Variants in SCIN observed in about 807,000 individuals in gnomAD.
SCIN encodes the protein scinderin, also known as adseverin.
In SCIN, 91 loss-of-function variants were observed where a neutral mutation model predicts 91.8. That is an observed-to-expected ratio of 0.99 (90% CI 0.84 to 1.18). The LOEUF is 1.18. Among genes scored for constraint, SCIN ranks in the 50% most tolerant of loss-of-function variants. SCIN has a pLI of 0.00. For synonymous variants in SCIN, 367 were observed against 312.6 expected (o/e 1.17, Z -1.84); for missense variants, 1,087 against 863.9 (o/e 1.26, Z -3.24).
At chr7:12,600,174 A>G (rs1782929403) in intron 3 of SCIN, among the ~76,000 whole-genome samples, 1 of 152,256 alleles carries the variant, frequency 6.6e-6, no homozygotes, top group African/African-American at 2.4e-5. Flanking sequence ...TCAGCCATAA[A>G]GAGGAACGAA....
intron 2 of SCIN, among the ~76,000 whole-genome samples, chr7:12,579,267 C>T (rs999285711): frequency 6.6e-6 from 1 of 152,142 alleles, no homozygotes; most frequent in Admixed American, 6.5e-5. Flanking sequence ...AACACTTATA[C>T]ATTATAGGTT....
chr7:12,604,762 G>A (rs1783038139), intron 4 of SCIN, 99 bp downstream of exon 4: 6 of 1,024,764 alleles, frequency 5.9e-6, no homozygotes, highest in Admixed American at 5.4e-5. Flanking sequence ...TGGGGAAGAA[G>A]GGGAAAGAGA....
chr7:12,649,571 G>C (rs1342416786), intron 14 of SCIN, 27 bp downstream of exon 14: 5 of 1,512,940 alleles, frequency 3.3e-6, no homozygotes, highest in Non-Finnish European at 4.5e-6. Flanking sequence ...TTCATAAGAA[G>C]AGAATGCATT....
At chr7:12,628,730 G>A (rs549678471) in intron 8 of SCIN, among the ~76,000 whole-genome samples, 59 of 152,048 alleles carry the variant, frequency 3.9e-4, no homozygotes, top group African/African-American at 1.3e-3. Context: ...ATATATATAT[G>A]TTATTTCATA....
At chr7:12,640,237 T>C (rs1347774717) in intron 10 of SCIN, 110 bp from the exon 11 acceptor site, 13 of 944,634 alleles carry the variant, frequency 1.4e-5, no homozygotes, top group Non-Finnish European at 2.9e-6. Context: ...CTTGACTTTT[T>C]ATTTTTTGTT....
chr7:12,581,197 C>G lies in SCIN; in HGVS notation c.492C>G (p.Asp164Glu). Reference protein sequence around the residue: ...PLSWDSFNKGDCFIIDLGTEI... With the variant: ...PLSWDSFNKGECFIIDLGTEI... ...GCTGGGACAGTTTCAACAAGGGTGA[C>G]TGCTTCATCATTGACCTTGGCACCG... The change falls in exon 3 of 16, where the codon GAC (aspartate) becomes GAG (glutamate). Residue 164 changes from aspartate to glutamate, a missense_variant. Transcript: ENST00000297029. 3.9e-6 allele frequency: 6 copies of G among 1,551,454 alleles called. No individual in the cohort carries two copies. The highest frequency in any genetic ancestry group is 5.2e-6 in the Non-Finnish European group (6 of 1,146,768).
chr7:12,607,070 G>A (rs117524267), intron 4 of SCIN, among the ~76,000 whole-genome samples: 1,657 of 152,262 alleles, frequency 0.011, 18 homozygotes, highest in Middle Eastern at 0.017. Flanking sequence ...GCAGATTCAG[G>A]AACAGGACTT....
At chr7:12,608,459 A>G (rs1783125835) in intron 4 of SCIN, among the ~76,000 whole-genome samples, 3 of 152,074 alleles carry the variant, frequency 2.0e-5, no homozygotes, top group Admixed American at 2.0e-4. Flanking sequence ...TTTCAAATAT[A>G]TTTTAAATTG....
Position 12,652,635 on chromosome 7 carries a change from C to A in SCIN, c.2068C>A (p.Pro690Thr), listed in dbSNP as rs1784105654. The A allele has an allele frequency of 3.1e-6, 5 of 1,612,150 alleles. No individual in the cohort carries two copies. Among genetic ancestry groups the A allele is most frequent in the Non-Finnish European group, 4.2e-6 (5 of 1,179,366 alleles). The change falls in exon 16 of 16, where the codon CCA (proline) becomes ACA (threonine). Residue 690 changes from proline (P) to threonine (T), a missense_variant. Physicochemically the swap from Pro to Thr is conservative, Grantham distance 38 (BLOSUM62 -1). Transcript: ENST00000297029. ...TDPSGRDKRT[P>T]IVIIKQGHEP... ...CCCTTCTGGAAGAGACAAGAGGACACCAATTGTCATCATAAAACAGGGCCA... is the reference window on the plus strand; with the variant it reads ...CCCTTCTGGAAGAGACAAGAGGACAACAATTGTCATCATAAAACAGGGCCA...
At chr7:12,598,880 C>T (rs1782897990) in intron 3 of SCIN, among the ~76,000 whole-genome samples, 1 of 151,836 alleles carries the variant, frequency 6.6e-6, no homozygotes. Context: ...TGCACTCCAG[C>T]CTAGGTGACA....
intron 3 of SCIN, among the ~76,000 whole-genome samples, chr7:12,583,822 C>T (rs1782535716): frequency 6.6e-6 from 1 of 151,984 alleles, no homozygotes; most frequent in Non-Finnish European, 1.5e-5. Flanking sequence ...TATAAGGTTC[C>T]AGGGCATTCA....
At position 12,651,163 on chromosome 7, in the gene SCIN, A is replaced by G. The variant is rs1562638659; in HGVS notation, c.1960-678A>G. Among the ~76,000 whole-genome samples, 1 of 152,232 alleles carries G rather than the reference A, an allele frequency of 6.6e-6. No individual in the cohort carries two copies. Among genetic ancestry groups the G allele is most frequent in the Non-Finnish European group, 1.5e-5 (1 of 68,030 alleles). ...AGTTACAGAAAGAATGGGGGATTGC[A>G]GGATGGCAAAACTGGTTATGGGAGG... On this transcript the variant is annotated intron_variant, in intron 14 of 15. Coordinates refer to ENST00000297029, the MANE Select transcript of SCIN (RefSeq NM_001112706.3). The surrounding 1 kb of genome is among the most constrained non-coding windows in gnomAD (Gnocchi z 5.9).
chr7:12,604,274 G>A (rs1349931867), intron 3 of SCIN, among the ~76,000 whole-genome samples: 1 of 151,874 alleles, frequency 6.6e-6, no homozygotes, highest in Non-Finnish European at 1.5e-5. Context: ...GTAATTTATA[G>A]ATTATATACA....
intron 10 of SCIN, among the ~76,000 whole-genome samples, chr7:12,639,266 G>T (rs1783811767): frequency 6.6e-6 from 1 of 152,194 alleles, no homozygotes; most frequent in African/African-American, 2.4e-5. Context: ...TAAGCTAACA[G>T]TTTTAGGTAT....
chr7:12,643,283 T>C (rs1783892009), intron 11 of SCIN, among the ~76,000 whole-genome samples: 1 of 152,210 alleles, frequency 6.6e-6, no homozygotes, highest in Non-Finnish European at 1.5e-5. Context: ...TTTATAAAGA[T>C]TCTGTTTTAG....
chr7:12,588,212 A>G (rs575693061), intron 3 of SCIN, among the ~76,000 whole-genome samples: 2 of 152,326 alleles, frequency 1.3e-5, no homozygotes, highest in East Asian at 3.9e-4. Context: ...TTAGATCTCT[A>G]AAATGTACCC....
intron 4 of SCIN, among the ~76,000 whole-genome samples, chr7:12,605,821 C>T (rs953638342): frequency 2.6e-5 from 4 of 152,100 alleles, no homozygotes; most frequent in African/African-American, 7.2e-5. Flanking sequence ...TCATTTTAAG[C>T]TAAGAATTAT....
chr7:12,596,108 T>A (rs1027305218), intron 3 of SCIN, among the ~76,000 whole-genome samples: 2 of 152,166 alleles, frequency 1.3e-5, no homozygotes, highest in African/African-American at 2.4e-5. Flanking sequence ...AGCGCGGTGT[T>A]TACTTTGATC....
intron 3 of SCIN, among the ~76,000 whole-genome samples, chr7:12,582,986 T>A (rs768180016): frequency 2.6e-5 from 4 of 152,140 alleles, no homozygotes; most frequent in Non-Finnish European, 5.9e-5. Context: ...CCAGTTGCTG[T>A]ACTCTGAGGT....
Sources: allele counts gnomAD v4.1 joint callset (sites outside exome capture counted in the v4.1 genomes callset), GRCh38; gene constraint gnomAD v4.1.1; non-coding constraint Gnocchi (gnomAD v3.1); transcripts MANE v1.5; gene names NCBI Gene and HGNC (gene_info 2026-07-23, HGNC 2026-07-21).